ALAS1: variants seen among roughly 807,000 people sequenced by gnomAD.
ALAS1 encodes 5'-aminolevulinate synthase 1, also known as 5-aminolevulinate synthase, non-specific, mitochondrial.
ALAS1 carries 29 observed loss-of-function variants against 59.6 expected under a neutral mutation model. The observed-to-expected ratio is 0.49, with a 90% CI of 0.36 to 0.66. The LOEUF (loss-of-function observed/expected upper bound fraction) is 0.66, where lower values mean the gene tolerates loss of function less well. ALAS1 is among the 30% of genes least tolerant of loss of function. The pLI, the probability that ALAS1 is intolerant of heterozygous loss-of-function variation, is 0.00. For synonymous variants in ALAS1, 299 were observed against 296.6 expected, an observed-to-expected ratio of 1.01 and a Z score of -0.08; for missense variants, 690 against 807.5, an observed-to-expected ratio of 0.85 and a Z score of 1.76.
intron 3 of ALAS1, among the ~76,000 whole-genome samples, chr3:52,201,811 C>T (rs995330034): frequency 7.9e-5 from 12 of 152,152 alleles, no homozygotes; most frequent in Admixed American, 2.6e-4. Context: ...GAATATTTCC[C>T]GTTACCTTAC....
At position 52,202,350 on chromosome 3, in the gene ALAS1, A is replaced by G. The variant is rs143412623; in HGVS notation, c.200-157A>G. 7.8e-3 allele frequency among the ~76,000 whole-genome samples: 1,189 copies of G among 152,332 alleles called. 44 individuals carry two copies. Among genetic ancestry groups the G allele is most frequent in the Admixed American group, 0.063 (960 of 15,304 alleles). On this transcript the variant is annotated intron_variant, in intron 3 of 11. Transcript: ENST00000484952. Reference sequence around the variant, plus strand: ...GGGGTACAGAGCAAGACTCCATCTTAAAAACAAAACAAAACAAAAAAAACA... The same window carrying G: ...GGGGTACAGAGCAAGACTCCATCTTGAAAACAAAACAAAACAAAAAAAACA...
Position 52,205,957 on chromosome 3 carries a change from C to G in ALAS1, c.919C>G (p.Leu307Val). Residue 307 changes from leucine (L) to valine (V), a missense_variant, in exon 7 of 12, where the codon CTC becomes GTC. By Grantham distance (32) the Leu-to-Val change is conservative. Transcript: ENST00000484952. ...LADLHGKDAALLFSSCFVAND... is the reference protein window; with the variant it reads ...LADLHGKDAAVLFSSCFVAND... Reference sequence around the variant, plus strand: ...AGACCTCCATGGGAAAGATGCCGCACTCTTGTTTTCCTCGTGCTTTGTGGC... The same window carrying G: ...AGACCTCCATGGGAAAGATGCCGCAGTCTTGTTTTCCTCGTGCTTTGTGGC... 8 of 1,614,182 alleles carry G rather than the reference C, an allele frequency of 5.0e-6. No homozygotes were observed. The highest frequency in any genetic ancestry group is 6.8e-6 in the Non-Finnish European group (8 of 1,180,032).
chr3:52,209,022 C>T (rs1390750745), intron 9 of ALAS1, among the ~76,000 whole-genome samples: 2 of 152,120 alleles, frequency 1.3e-5, no homozygotes, highest in African/African-American at 4.8e-5. Context: ...TAGCAGTTAG[C>T]TAAAATGCCA....
chr3:52,203,885 C>G lies in ALAS1; in HGVS notation c.450C>G (p.Gly150=). 1.2e-6 allele frequency: 2 copies of G among 1,605,942 alleles called. No individual in the cohort carries two copies. Among genetic ancestry groups the G allele is most frequent in the Non-Finnish European group, 1.7e-6 (2 of 1,175,944 alleles). Residue 150 remains glycine (G), a synonymous_variant, in exon 5 of 12, where the codon GGC becomes GGG. Coordinates refer to ENST00000484952, the MANE Select transcript of ALAS1 (RefSeq NM_000688.6). The part of the protein sequence containing the change: ...VRKEVAETSA[G]PSVVSVKTDG... ...CAGAGGTTGCTGAAACCTCAGCAGG[C>G]CCCAGTGTGGTTAGTGTGAAAACCG...
chr3:52,200,257 C>T (rs541614525), intron 3 of ALAS1, among the ~76,000 whole-genome samples: 1 of 152,104 alleles, frequency 6.6e-6, no homozygotes, highest in Non-Finnish European at 1.5e-5. Context: ...GTCACCACCA[C>T]CATCCATCTC....
At chr3:52,205,157 G>A (rs1270723646) in intron 6 of ALAS1, among the ~76,000 whole-genome samples, 8 of 152,214 alleles carry the variant, frequency 5.3e-5, no homozygotes, top group Non-Finnish European at 8.8e-5. Context: ...GACCACACAC[G>A]TCAGTCCACT....
In ALAS1 at chr3:52,208,145, G is replaced by A. The variant is rs763707326; in HGVS notation, c.1228G>A (p.Val410Met). 5 of 1,612,154 alleles carry A rather than the reference G, an allele frequency of 3.1e-6. No homozygotes were observed. Among genetic ancestry groups the A allele is most frequent in the Admixed American group, 3.3e-5 (2 of 59,824 alleles). ...CCATGAGTTTGGAGCAATCACCTTC[G>A]TGGATGAGGTCCACGCAGTGGGGCT... ...VAHEFGAITFVDEVHAVGLYG... is the reference protein window; with the variant it reads ...VAHEFGAITFMDEVHAVGLYG... The change falls in exon 9 of 12, where the codon GTG (valine) becomes ATG (methionine). Residue 410 changes from valine to methionine, a missense_variant. By Grantham distance (21) the Val-to-Met change is conservative. Coordinates refer to ENST00000484952, the MANE Select transcript of ALAS1 (RefSeq NM_000688.6).
chr3:52,204,646 T>C (rs1465398461), intron 5 of ALAS1, 47 bp from the exon 6 acceptor site: 3 of 1,529,018 alleles, frequency 2.0e-6, no homozygotes, highest in Non-Finnish European at 2.7e-6. Flanking sequence ...AAAATGCAGC[T>C]GTGTTTCACA....
Position 52,204,828 on chromosome 3 carries a change from C to A in ALAS1, c.713C>A (p.Ser238Tyr). Residue 238 changes from serine (S) to tyrosine (Y), a missense_variant, in exon 6 of 12, where the codon TCC becomes TAC. By Grantham distance (144) the Ser-to-Tyr change is moderately radical. Coordinates refer to ENST00000484952, the MANE Select transcript of ALAS1 (RefSeq NM_000688.6). ...CCCATGGCAGATGACTATTCAGACT[C>A]CCTCATCACCAAAAAGCAAGTGTCA... ...IFPMADDYSD[S>Y]LITKKQVSVW... 4 of 1,614,206 alleles carry A rather than the reference C, an allele frequency of 2.5e-6. No individual in the cohort carries two copies. The highest frequency in any genetic ancestry group is 3.4e-6 in the Non-Finnish European group (4 of 1,180,036).
intron 3 of ALAS1, among the ~76,000 whole-genome samples, chr3:52,200,677 A>G (rs567133009): frequency 2.0e-5 from 3 of 152,332 alleles, no homozygotes; most frequent in Admixed American, 6.5e-5. Flanking sequence ...TAGAGGTTGC[A>G]GTGAGCTGAG....
At chr3:52,198,522 C>T (rs997839200) in intron 1 of ALAS1, 150 bp from the exon 2 acceptor site, 10 of 485,314 alleles carry the variant, frequency 2.1e-5, no homozygotes, top group Admixed American at 3.6e-5. Flanking sequence ...AGACCTCGAC[C>T]GCGGGTCACC....
At position 52,206,040 on chromosome 3, in the gene ALAS1, T is replaced by C. The variant is rs1699285542; in HGVS notation, c.985+17T>C. On this transcript the variant is annotated intron_variant, in intron 7 of 11. Coordinates refer to ENST00000484952, the MANE Select transcript of ALAS1 (RefSeq NM_000688.6). ...TGATGCCAGGTAAGGAAGCCTGGCA[T>C]GAGTGCCTTCGAGTTTTTTGGGTTT... 2 of 1,573,260 alleles carry C rather than the reference T, an allele frequency of 1.3e-6. No homozygotes were observed. Among genetic ancestry groups the C allele is most frequent in the African/African-American group, 1.4e-5 (1 of 73,076 alleles).
chr3:52,200,521 T>C lies in ALAS1; in HGVS notation c.199+1081T>C, dbSNP rs995380887. On this transcript the variant is annotated intron_variant, in intron 3 of 11. Coordinates refer to ENST00000484952, the MANE Select transcript of ALAS1 (RefSeq NM_000688.6). The stretch of plus-strand genomic sequence containing the variant: ...GGGAGGCCGAGGTGGTTTGATCACC[T>C]GAGGCCAGGAGTTCGAGACCAGCCT... Among the ~76,000 whole-genome samples the C allele has an allele frequency of 2.0e-5, 3 of 152,224 alleles. No individual in the cohort carries two copies. The East Asian group carries it at 5.8e-4, about 29-fold the overall frequency.
intron 3 of ALAS1, 108 bp from the exon 4 acceptor site, chr3:52,202,399 A>G (rs988579761): frequency 4.6e-6 from 4 of 871,046 alleles, no homozygotes; most frequent in Non-Finnish European, 7.4e-6. Context: ...GGTGGGGTAC[A>G]GTAAGTATTA....
chr3:52,212,332 C>T lies in ALAS1; in HGVS notation c.1674C>T (p.Ile558=), dbSNP rs142835980. Reference sequence around the variant, plus strand: ...GACATAACATCTACGTGCAAGCAATCAATTACCCTACGGTGCCCCGGGGAG... The same window carrying T: ...GACATAACATCTACGTGCAAGCAATTAATTACCCTACGGTGCCCCGGGGAG... ...MSRHNIYVQA[I]NYPTVPRGEE... The change falls in exon 11 of 12, where the codon ATC becomes ATT. Residue 558 remains isoleucine (I), a synonymous_variant. Transcript: ENST00000484952. The T allele has an allele frequency of 6.2e-7, 1 of 1,614,168 alleles. No homozygotes were observed. Among genetic ancestry groups the T allele is most frequent in the East Asian group, 2.2e-5 (1 of 44,884 alleles).
At position 52,211,483 on chromosome 3, in the gene ALAS1, A is replaced by G. The variant is rs1459488586; in HGVS notation, c.1531A>G (p.Met511Val). ...CCAGCACCAGCGCAACGTCAAACTC[A>G]TGAGACAGATGCTAATGGATGCCGG... ...RRQHQRNVKL[M>V]RQMLMDAGLP... The change falls in exon 10 of 12, where the codon ATG becomes GTG. Residue 511 changes from methionine to valine, a missense_variant. By Grantham distance (21) the Met-to-Val change is conservative. Coordinates refer to ENST00000484952, the MANE Select transcript of ALAS1 (RefSeq NM_000688.6). 1 of 1,614,102 alleles carries G rather than the reference A, an allele frequency of 6.2e-7. No homozygotes were observed. Among genetic ancestry groups the G allele is most frequent in the Non-Finnish European group, 8.5e-7 (1 of 1,180,050 alleles).
intron 11 of ALAS1, 166 bp downstream of exon 11, chr3:52,212,586 C>CT: frequency 1.2e-6 from 1 of 828,376 alleles, no homozygotes; most frequent in Non-Finnish European, 1.9e-6. Context: ...GGCTGGAGTA[C>CT]AATGGCACAA....
In ALAS1 at chr3:52,212,349, C is replaced by G; in HGVS notation, c.1691C>G (p.Pro564Arg). The G allele has an allele frequency of 1.2e-6, 2 of 1,614,138 alleles. No individual in the cohort carries two copies. Among genetic ancestry groups the G allele is most frequent in the South Asian group, 2.2e-5 (2 of 91,074 alleles). ...YVQAINYPTVPRGEELLRIAP... is the reference protein window; with the variant it reads ...YVQAINYPTVRRGEELLRIAP... ...CAAGCAATCAATTACCCTACGGTGC[C>G]CCGGGGAGAAGAGCTCCTACGGATT... Residue 564 changes from proline to arginine, a missense_variant, in exon 11 of 12, where the codon CCC becomes CGC. Coordinates refer to ENST00000484952, the MANE Select transcript of ALAS1 (RefSeq NM_000688.6).
intron 10 of ALAS1, 151 bp downstream of exon 10, chr3:52,211,702 C>T (rs1559877015): frequency 8.5e-7 from 1 of 1,183,102 alleles, no homozygotes; most frequent in Admixed American, 2.4e-5. Flanking sequence ...CATGTTTCCG[C>T]CATTGGCTGA....
Sources: gnomAD v4.1 joint callset for allele counts (sites outside exome capture counted in the v4.1 genomes callset) on GRCh38, gnomAD v4.1.1 for gene constraint, MANE v1.5 for transcripts, NCBI Gene and HGNC (gene_info 2026-07-23, HGNC 2026-07-21) for gene names.